Variants in CUX2 observed in about 807,000 individuals in gnomAD.
CUX2 encodes cut like homeobox 2, also known as homeobox protein cut-like 2.
Under a neutral mutation model 144.8 loss-of-function variants are expected in CUX2, and 40 were observed. The observed-to-expected ratio is 0.28, with a 90% CI of 0.21 to 0.36. The LOEUF (loss-of-function observed/expected upper bound fraction) is 0.36, where lower values mean the gene tolerates loss of function less well. CUX2 is among the 10% of genes least tolerant of loss of function. The probability of loss-of-function intolerance (pLI) is 1.00; values close to 1 mark genes in which losing one functional copy is unlikely to be tolerated. For synonymous variants in CUX2, 827 were observed against 875.6 expected, an observed-to-expected ratio of 0.94 and a Z score of 0.98; for missense variants, 1,615 against 1,994.0, an observed-to-expected ratio of 0.81 and a Z score of 3.62.
At chr12:111,145,388 G>A (rs192493604) in intron 1 of CUX2, among the ~76,000 whole-genome samples, 2 of 152,278 alleles carry the variant, frequency 1.3e-5, no homozygotes, top group Admixed American at 1.3e-4. Context: ...TTGAAACAGG[G>A]TCTCACTCTG....
chr12:111,334,515 C>A lies in CUX2; in HGVS notation c.3001C>A (p.Pro1001Thr). ...AGAGCCTGAGAAGAGCTCCCAGGAG[C>A]CGTTGAGCCTGTCCCTGGAGAGCAG... The part of the protein sequence containing the change: ...PTEPEKSSQE[P>T]LSLSLESSKE... Residue 1001 changes from proline to threonine, a missense_variant, in exon 19 of 22, where the codon CCG becomes ACG. By Grantham distance (38) the Pro-to-Thr change is conservative (BLOSUM62 -1). Coordinates refer to ENST00000261726, the MANE Select transcript of CUX2 (RefSeq NM_015267.4). 6.2e-7 allele frequency: 1 copy of A among 1,613,814 alleles called. No homozygotes were observed. Among genetic ancestry groups the A allele is most frequent in the South Asian group, 1.1e-5 (1 of 91,052 alleles).
At chr12:111,258,512 CAAAAA>C (rs895707620) in intron 3 of CUX2, among the ~76,000 whole-genome samples, 1 of 65,946 alleles carries the variant, frequency 1.5e-5, no homozygotes, top group Non-Finnish European at 3.0e-5. Context: ...GACTCCATCT[CAAAAA>C]AAAAAAAAAA....
At chr12:111,197,562 C>G (rs1046205973) in intron 1 of CUX2, among the ~76,000 whole-genome samples, 3 of 152,164 alleles carry the variant, frequency 2.0e-5, no homozygotes, top group Non-Finnish European at 2.9e-5. Context: ...CTTGAGGGTT[C>G]CTGGAGAAAA....
At chr12:111,214,128 A>G (rs1427053528) in intron 1 of CUX2, 72 bp from the exon 2 acceptor site, 2 of 1,010,028 alleles carry the variant, frequency 2.0e-6, no homozygotes, top group East Asian at 2.7e-5. Context: ...TACAGTGGTT[A>G]AAAAGGAAAA....
chr12:111,062,959 G>C (rs778145898), intron 1 of CUX2, among the ~76,000 whole-genome samples: 4 of 152,196 alleles, frequency 2.6e-5, no homozygotes, highest in Non-Finnish European at 5.9e-5. Context: ...GCAGGGGACA[G>C]GGCAGGGTCC....
intron 3 of CUX2, 67 bp downstream of exon 3, chr12:111,218,004 G>C (rs1881642124): frequency 6.3e-7 from 1 of 1,576,362 alleles, no homozygotes; most frequent in African/African-American, 1.4e-5. Context: ...ATCCCACCTA[G>C]AGTTGCCCAG....
intron 3 of CUX2, among the ~76,000 whole-genome samples, chr12:111,249,728 G>A (rs996847166): frequency 6.6e-6 from 1 of 152,052 alleles, no homozygotes; most frequent in Non-Finnish European, 1.5e-5. Flanking sequence ...AAAGTGCTGG[G>A]ATTACTGGCA....
chr12:111,092,627 C>T (rs1234082664), intron 1 of CUX2, among the ~76,000 whole-genome samples: 1 of 152,034 alleles, frequency 6.6e-6, no homozygotes, highest in African/African-American at 2.4e-5. Context: ...GAACAGTGTT[C>T]CTTTCTCACA....
At chr12:111,276,592 G>C (rs755658360) in intron 4 of CUX2, among the ~76,000 whole-genome samples, 12 of 152,098 alleles carry the variant, frequency 7.9e-5, no homozygotes, top group Non-Finnish European at 1.8e-4. Flanking sequence ...TCTGGAAAAG[G>C]GGGGTGATAG....
chr12:111,136,049 G>A (rs1875864103), intron 1 of CUX2, among the ~76,000 whole-genome samples: 1 of 152,172 alleles, frequency 6.6e-6, no homozygotes, highest in Admixed American at 6.5e-5. Context: ...TTCAGCCTTT[G>A]CTCTGAGTGA....
chr12:111,105,411 A>T (rs185554031), intron 1 of CUX2, among the ~76,000 whole-genome samples: 6 of 152,354 alleles, frequency 3.9e-5, no homozygotes, highest in Non-Finnish European at 7.3e-5. Context: ...GAAGGGGCTG[A>T]CGGAAGAGGT....
intron 1 of CUX2, among the ~76,000 whole-genome samples, chr12:111,114,024 A>T (rs1874138765): frequency 6.6e-6 from 1 of 152,238 alleles, no homozygotes. Context: ...AGTTTCTACC[A>T]GTTTCAAATA....
At chr12:111,245,134 G>A (rs1290301168) in intron 3 of CUX2, among the ~76,000 whole-genome samples, 1 of 152,170 alleles carries the variant, frequency 6.6e-6, no homozygotes, top group Non-Finnish European at 1.5e-5. Context: ...TCCAACCCAA[G>A]GTGAACTGTT....
chr12:111,046,666 T>A (rs11829071), intron 1 of CUX2, among the ~76,000 whole-genome samples: 10,925 of 151,584 alleles, frequency 0.072, 1,298 homozygotes, highest in African/African-American at 0.25. Flanking sequence ...TTTTTATTTA[T>A]TTTTTTTTGA....
chr12:111,344,536 C>G (rs1008506749), intron 21 of CUX2, among the ~76,000 whole-genome samples: 2 of 152,202 alleles, frequency 1.3e-5, no homozygotes, highest in Non-Finnish European at 2.9e-5. Flanking sequence ...TAAATGTTTA[C>G]TGAGCATCTA....
rs1352280492 is a variant in CUX2 at position 111,349,433 on chromosome 12, A to T, written c.*1108A>T. 2.6e-5 allele frequency: 4 copies of T among 152,226 alleles called. No homozygotes were observed. The East Asian group carries it at 7.7e-4, about 29-fold the overall frequency. 9.4% of individuals were successfully genotyped at this position (152,226 alleles called of 1,614,324 possible). ...TGAAGCTTAGTAACCAGCGCCAAAAAGTAGATTCATCAAACTAGAGACCCC... is the reference window on the plus strand; with the variant it reads ...TGAAGCTTAGTAACCAGCGCCAAAATGTAGATTCATCAAACTAGAGACCCC... On this transcript the variant is annotated 3_prime_UTR_variant, in exon 22 of 22. Transcript: ENST00000261726.
intron 1 of CUX2, among the ~76,000 whole-genome samples, chr12:111,089,838 GCCC>G: frequency 6.6e-6 from 1 of 152,352 alleles, no homozygotes; most frequent in Non-Finnish European, 1.5e-5. Context: ...AGTCACTGTG[GCCC>G]TAGGTCTCCT....
At chr12:111,065,356 C>T (rs1271410141) in intron 1 of CUX2, among the ~76,000 whole-genome samples, 5 of 152,210 alleles carry the variant, frequency 3.3e-5, no homozygotes, top group African/African-American at 7.2e-5. Context: ...TTGTTTGAGA[C>T]GGAGTCTTGC....
At chr12:111,209,090 G>GTA (rs1197862465) in intron 1 of CUX2, among the ~76,000 whole-genome samples, 1 of 152,148 alleles carries the variant, frequency 6.6e-6, no homozygotes, top group Non-Finnish European at 1.5e-5. Flanking sequence ...AGTACTCTAG[G>GTA]GAGTTTTCAC....
Sources: allele counts gnomAD v4.1 joint callset (sites outside exome capture counted in the v4.1 genomes callset), GRCh38; gene constraint gnomAD v4.1.1; transcripts MANE v1.5; gene names NCBI Gene and HGNC (gene_info 2026-07-23, HGNC 2026-07-21).